The following AKAP13 variants were observed in gnomAD, a reference collection of about 807,000 sequenced individuals.
The protein encoded by AKAP13 is A-kinase anchor protein 13.
In AKAP13, 80 loss-of-function variants were observed where a neutral mutation model predicts 264.5. The observed-to-expected ratio is 0.30, with a 90% CI of 0.25 to 0.36. The LOEUF is 0.36. Ranked by LOEUF, AKAP13 falls within the 10% of genes least tolerant of loss-of-function variation. The pLI, the probability that AKAP13 is intolerant of heterozygous loss-of-function variation, is 1.00. For synonymous variants in AKAP13, 1,380 were observed against 1,250.2 expected, an observed-to-expected ratio of 1.10 and a Z score of -2.19; for missense variants, 3,712 against 3,435.2, an observed-to-expected ratio of 1.08 and a Z score of -2.01.
At chr15:85,541,772 A>G (rs1414476983) in intron 4 of AKAP13, among the ~76,000 whole-genome samples, 3 of 152,252 alleles carry the variant, frequency 2.0e-5, no homozygotes, top group African/African-American at 7.2e-5. Flanking sequence ...AGCCCAGTGC[A>G]TGGTGCATAG....
At chr15:85,529,293 T>C (rs1440932339) in intron 3 of AKAP13, among the ~76,000 whole-genome samples, 2 of 152,084 alleles carry the variant, frequency 1.3e-5, no homozygotes, top group Non-Finnish European at 2.9e-5. Flanking sequence ...TGGTGGCGGG[T>C]GCCTGTAGTC....
At chr15:85,387,907 C>G (rs2070657635) in intron 1 of AKAP13, among the ~76,000 whole-genome samples, 1 of 152,092 alleles carries the variant, frequency 6.6e-6, no homozygotes, top group Admixed American at 6.5e-5. Context: ...GGATCCTACA[C>G]CCTTGCTAAA....
At chr15:85,709,106 T>G (rs2086482508) in intron 18 of AKAP13, among the ~76,000 whole-genome samples, 3 of 152,138 alleles carry the variant, frequency 2.0e-5, no homozygotes. Flanking sequence ...AAAATGTGAG[T>G]TAGTGCAGCT....
chr15:85,410,670 G>A (rs2071917981), intron 1 of AKAP13, among the ~76,000 whole-genome samples: 1 of 151,464 alleles, frequency 6.6e-6, no homozygotes, highest in African/African-American at 2.5e-5. Context: ...TCACCTGGAC[G>A]TGCTTGTGCT....
At chr15:85,699,487 A>G (rs557088511) in intron 17 of AKAP13, among the ~76,000 whole-genome samples, 43 of 152,310 alleles carry the variant, frequency 2.8e-4, no homozygotes, top group African/African-American at 9.1e-4. Flanking sequence ...CTGAAAGGCT[A>G]TACACCAAAC....
intron 17 of AKAP13, 138 bp downstream of exon 17, chr15:85,693,589 A>G: frequency 7.1e-7 from 1 of 1,407,548 alleles, no homozygotes; most frequent in Non-Finnish European, 9.3e-7. Flanking sequence ...TTCTTTAGAC[A>G]TGATAAAAGA....
rs79579754 is a variant in AKAP13, at chr15:85,441,219, C to T, written c.-11-44491C>T. Among the ~76,000 whole-genome samples the T allele has an allele frequency of 7.0e-4, 103 of 146,422 alleles. 1 individual carries two copies. The Middle Eastern group carries it at 0.018, about 25-fold the overall frequency. On this transcript the variant is annotated intron_variant, in intron 1 of 36. Coordinates refer to ENST00000394518, the MANE Select transcript of AKAP13 (RefSeq NM_007200.5). ...TATTTTTAATCTTTTTTTTAATGGC[C>T]GTTCTGGTGGGTGTGTATTGATAAT...
At chr15:85,566,651 G>C (rs2078616140) in intron 5 of AKAP13, among the ~76,000 whole-genome samples, 1 of 147,396 alleles carries the variant, frequency 6.8e-6, no homozygotes, top group Non-Finnish European at 1.5e-5. Flanking sequence ...TTTTTAAATG[G>C]AGTCTCGCTC....
chr15:85,717,033 C>G (rs369339192), intron 20 of AKAP13: 1 of 396,510 alleles, frequency 2.5e-6, no homozygotes, highest in Non-Finnish European at 4.5e-6. Flanking sequence ...GAAGAAAGTT[C>G]CCCTTGCTTC....
At chr15:85,428,189 C>A (rs1013631816) in intron 1 of AKAP13, among the ~76,000 whole-genome samples, 1 of 152,128 alleles carries the variant, frequency 6.6e-6, no homozygotes, top group Non-Finnish European at 1.5e-5. Flanking sequence ...CATGATCAGG[C>A]CATGGTACCT....
chr15:85,614,449 T>TA, intron 8 of AKAP13, among the ~76,000 whole-genome samples: 1 of 152,348 alleles, frequency 6.6e-6, no homozygotes, highest in Middle Eastern at 3.4e-3. Context: ...GAGAAACTTT[T>TA]AAAAAGTGGA....
intron 1 of AKAP13, among the ~76,000 whole-genome samples, chr15:85,400,869 TATATA>T (rs1033635730): frequency 1.8e-5 from 1 of 55,880 alleles, no homozygotes; most frequent in African/African-American, 6.5e-5. Context: ...TATATATATA[TATATA>T]TTTTTTTTTT....
intron 5 of AKAP13, among the ~76,000 whole-genome samples, chr15:85,562,871 G>T (rs866885783): frequency 2.5e-4 from 34 of 133,908 alleles, no homozygotes; most frequent in Non-Finnish European, 3.0e-4. Flanking sequence ...GGTTTTTTTT[G>T]TTTTTTTTTT....
intron 14 of AKAP13, among the ~76,000 whole-genome samples, chr15:85,670,146 A>G (rs1442682688): frequency 1.3e-5 from 2 of 152,176 alleles, no homozygotes; most frequent in Non-Finnish European, 1.5e-5. Flanking sequence ...TCACTGGGGA[A>G]AAAATTGCAA....
chr15:85,746,715 T>C lies in AKAP13; in HGVS notation c.*2038T>C, dbSNP rs1019182938. ...TACAACTCCAAGTTACAGCTGAATC[T>C]GTCGTGACTTTCCTGAGATCTACCC... On this transcript the variant is annotated 3_prime_UTR_variant, in exon 37 of 37. Coordinates refer to ENST00000394518, the MANE Select transcript of AKAP13 (RefSeq NM_007200.5). The C allele has an allele frequency of 2.0e-5, 3 of 151,446 alleles. No individual in the cohort carries two copies. Among genetic ancestry groups the C allele is most frequent in the Non-Finnish European group, 2.9e-5 (2 of 67,836 alleles). The allele number at this position is 151,446 out of a possible 1,614,324, so 9.4% of individuals were successfully genotyped here. A position where few individuals can be genotyped will look rare whatever the true frequency, so the allele number is the denominator to read the frequency against.
At chr15:85,496,053 A>G (rs527498921) in intron 2 of AKAP13, among the ~76,000 whole-genome samples, 1 of 152,342 alleles carries the variant, frequency 6.6e-6, no homozygotes, top group Admixed American at 6.5e-5. Flanking sequence ...CTTGGCAAGG[A>G]AACATGGCCA....
At chr15:85,682,880 A>G (rs1045698192) in intron 15 of AKAP13, among the ~76,000 whole-genome samples, 4 of 152,074 alleles carry the variant, frequency 2.6e-5, no homozygotes, top group African/African-American at 9.7e-5. Flanking sequence ...TTGGTCAGGC[A>G]GGTCTCAAAC....
intron 1 of AKAP13, among the ~76,000 whole-genome samples, chr15:85,432,826 T>C (rs1455055579): frequency 1.3e-5 from 2 of 152,208 alleles, no homozygotes; most frequent in Non-Finnish European, 2.9e-5. Context: ...CTTTGTTTAC[T>C]TTGGTTGATA....
chr15:85,444,724 A>G (rs1229588173), intron 1 of AKAP13, among the ~76,000 whole-genome samples: 3 of 152,176 alleles, frequency 2.0e-5, no homozygotes, highest in Admixed American at 1.3e-4. Context: ...ATTTAGTTAA[A>G]ATTTAGTGAA....
Sources: gnomAD v4.1 joint callset for allele counts (sites outside exome capture counted in the v4.1 genomes callset) on GRCh38, gnomAD v4.1.1 for gene constraint, MANE v1.5 for transcripts, NCBI Gene and HGNC (gene_info 2026-07-23, HGNC 2026-07-21) for gene names.